The following PHF6 variants were observed in gnomAD, a reference collection of about 807,000 sequenced individuals.
PHF6 encodes PHD-like zinc finger protein.
Under a neutral mutation model 34.0 loss-of-function variants are expected in PHF6, and 7 were observed. The observed-to-expected ratio is 0.21, with a 90% confidence interval of 0.12 to 0.39. The LOEUF is 0.39. Among genes scored for constraint, PHF6 ranks in the 10% least tolerant of loss-of-function variants. PHF6 has a pLI of 1.00. For synonymous variants in PHF6, 89 were observed against 88.4 expected (o/e 1.01, Z -0.04); for missense variants, 128 against 262.8 (o/e 0.49, Z 3.55).
At chrX:134,383,574 A>G (rs2077317085) in intron 3 of PHF6, among the ~76,000 whole-genome samples, 1 of 111,806 alleles carries the variant, frequency 8.9e-6, no homozygotes, top group Admixed American at 9.5e-5. Context: ...TTTTTCTAGT[A>G]GTAGAAATAG....
chrX:134,386,767 CAG>C (rs900847011), intron 3 of PHF6, among the ~76,000 whole-genome samples: 2 of 111,757 alleles, frequency 1.8e-5, no homozygotes, highest in African/African-American at 3.3e-5. Flanking sequence ...TGCCTTGTGT[CAG>C]GGGTTGGCAA....
chrX:134,379,427 C>CT (rs1257020762), intron 3 of PHF6, among the ~76,000 whole-genome samples: 1 of 51,670 alleles, frequency 1.9e-5, no homozygotes, highest in African/African-American at 7.2e-5. Context: ...CTTTTCTTTT[C>CT]TTTTCTTTTT....
chrX:134,374,764 C>T (rs1170677290), intron 1 of PHF6, among the ~76,000 whole-genome samples: 1 of 112,355 alleles, frequency 8.9e-6, no homozygotes, highest in Non-Finnish European at 1.9e-5. Context: ...CTTAACTAAT[C>T]TAGCTTTTAT....
At chrX:134,420,728 G>A (rs1169933465) in intron 9 of PHF6, among the ~76,000 whole-genome samples, 1 of 110,482 alleles carries the variant, frequency 9.1e-6, no homozygotes, top group East Asian at 2.9e-4. Flanking sequence ...AAGTAGCTGG[G>A]ACTACAGGCA....
At chrX:134,388,999 A>G (rs750828922) in intron 3 of PHF6, among the ~76,000 whole-genome samples, 2 of 111,943 alleles carry the variant, frequency 1.8e-5, no homozygotes, top group South Asian at 3.7e-4. Flanking sequence ...GCTTCTAACA[A>G]TACGATAGAG....
chrX:134,393,566 A>G lies in PHF6; in HGVS notation c.306A>G (p.Thr102=), dbSNP rs2077363933. 2.5e-6 allele frequency: 3 copies of G among 1,207,859 alleles called. No homozygotes were observed. Among genetic ancestry groups the G allele is most frequent in the Non-Finnish European group, 3.4e-6 (3 of 891,844 alleles). The stretch of plus-strand genomic sequence containing the variant: ...GTGATGTGAAAACATGTCACAGGAC[A>G]TACCACTACCACTGTGCATTGCATG... ...IGCDVKTCHR[T]YHYHCALHDK... is the part of the protein sequence containing the mutation. The change falls in exon 4 of 11, where the codon ACA becomes ACG. Residue 102 remains threonine (T), a synonymous_variant. Coordinates refer to ENST00000370803, the MANE Select transcript of PHF6 (RefSeq NM_001015877.2).
intron 3 of PHF6, among the ~76,000 whole-genome samples, chrX:134,389,291 T>A (rs2077343903): frequency 9.0e-6 from 1 of 111,160 alleles, no homozygotes; most frequent in Non-Finnish European, 1.9e-5. Flanking sequence ...CAGGCCTTTT[T>A]TGCGGGGAGT....
chrX:134,426,927 A>T lies in PHF6; in HGVS notation c.*1267A>T, dbSNP rs973389238. The T allele has an allele frequency of 6.1e-6, 1 of 164,023 alleles. No individual in the cohort carries two copies. The highest frequency in any genetic ancestry group is 3.0e-5 in the African/African-American group (1 of 33,491). 13.5% of individuals were successfully genotyped at this position (164,023 alleles called of 1,213,427 possible). On this transcript the variant is annotated 3_prime_UTR_variant, in exon 11 of 11. Coordinates refer to ENST00000370803, the MANE Select transcript of PHF6 (RefSeq NM_001015877.2). The stretch of plus-strand genomic sequence containing the variant: ...GGGATTTTGACTAGTTGAATTATTA[A>T]GCCACCACAATAAAGCAGATTTTTA...
chrX:134,377,798 A>T, intron 2 of PHF6, 43 bp downstream of exon 2: 1 of 1,165,396 alleles, frequency 8.6e-7, no homozygotes, highest in Non-Finnish European at 1.2e-6. Context: ...ACGATTCATG[A>T]GACTCTTAAT....
chrX:134,414,783 A>G (rs1055025808), intron 7 of PHF6, among the ~76,000 whole-genome samples: 4 of 112,250 alleles, frequency 3.6e-5, no homozygotes, highest in Non-Finnish European at 3.8e-5. Context: ...TGCTTAAAGC[A>G]GGCTATTTAA....
At chrX:134,423,242 G>A (rs1249956984) in intron 9 of PHF6, among the ~76,000 whole-genome samples, 2 of 111,701 alleles carry the variant, frequency 1.8e-5, no homozygotes, top group African/African-American at 6.5e-5. Flanking sequence ...TTGAAATCTG[G>A]ATACATGCAA....
At chrX:134,416,501 C>T (rs1409532834) in intron 8 of PHF6, among the ~76,000 whole-genome samples, 1 of 111,089 alleles carries the variant, frequency 9.0e-6, no homozygotes, top group Admixed American at 9.7e-5. Flanking sequence ...CCCACCCCTC[C>T]AGAGATAAAA....
intron 9 of PHF6, among the ~76,000 whole-genome samples, chrX:134,423,752 A>AT (rs2124259922): frequency 8.9e-6 from 1 of 111,757 alleles, no homozygotes; most frequent in South Asian, 3.7e-4. Flanking sequence ...TAGATAATCT[A>AT]TTTGTAACAT....
chrX:134,398,700 A>G (rs1340967238), intron 5 of PHF6, among the ~76,000 whole-genome samples: 1 of 111,773 alleles, frequency 8.9e-6, no homozygotes, highest in Non-Finnish European at 1.9e-5. Flanking sequence ...GATGACTCCA[A>G]GGTTTCTGGC....
At chrX:134,394,781 C>T (rs930413234) in intron 5 of PHF6, among the ~76,000 whole-genome samples, 2 of 110,701 alleles carry the variant, frequency 1.8e-5, no homozygotes, top group South Asian at 3.8e-4. Context: ...CCTCGTGATC[C>T]GCCTGCCTTG....
chrX:134,399,819 C>G (rs890129902), intron 5 of PHF6, among the ~76,000 whole-genome samples: 14 of 111,081 alleles, frequency 1.3e-4, no homozygotes, highest in Admixed American at 4.8e-4. Flanking sequence ...TTAGTGCACT[C>G]TTGGTGTGGT....
At chrX:134,377,154 T>A (rs1315077523) in intron 1 of PHF6, among the ~76,000 whole-genome samples, 1 of 111,951 alleles carries the variant, frequency 8.9e-6, no homozygotes, top group Non-Finnish European at 1.9e-5. Flanking sequence ...ACAGAACTAG[T>A]GTCAGTTATT....
chrX:134,403,301 G>A (rs766315561), intron 5 of PHF6, among the ~76,000 whole-genome samples: 107 of 112,011 alleles, frequency 9.6e-4, no homozygotes, highest in African/African-American at 3.3e-3. Flanking sequence ...CCCTATTGCT[G>A]ATATGGGGAA....
intron 8 of PHF6, among the ~76,000 whole-genome samples, chrX:134,415,883 T>C (rs2077470862): frequency 9.0e-6 from 1 of 111,500 alleles, no homozygotes; most frequent in African/African-American, 3.3e-5. Flanking sequence ...TGTAGTTGAG[T>C]ATGTATCTCT....
Sources: allele counts gnomAD v4.1 joint callset (sites outside exome capture counted in the v4.1 genomes callset), GRCh38; gene constraint gnomAD v4.1.1; transcripts MANE v1.5; gene names NCBI Gene and HGNC (gene_info 2026-07-23, HGNC 2026-07-21).